STK38L: variants seen among roughly 807,000 people sequenced by gnomAD.
STK38L encodes serine/threonine kinase 38 like.
Under a neutral mutation model 59.7 loss-of-function variants are expected in STK38L, and 28 were observed. That is an observed-to-expected ratio of 0.47 (90% CI 0.35 to 0.64). The LOEUF (loss-of-function observed/expected upper bound fraction) is 0.64, where lower values mean the gene tolerates loss of function less well. STK38L is among the 30% of genes least tolerant of loss of function. STK38L has a pLI of 0.01. For synonymous variants in STK38L, 162 were observed against 176.8 expected, an observed-to-expected ratio of 0.92 and a Z score of 0.66; for missense variants, 314 against 555.8, an observed-to-expected ratio of 0.56 and a Z score of 4.37.
At chr12:27,287,533 CAA>C (rs1943800929) in intron 1 of STK38L, among the ~76,000 whole-genome samples, 1 of 152,142 alleles carries the variant, frequency 6.6e-6, no homozygotes, top group South Asian at 2.1e-4. Context: ...AAATGTAGCA[CAA>C]GTTTTCATTG....
intron 3 of STK38L, among the ~76,000 whole-genome samples, chr12:27,306,867 AG>A (rs1944329981): frequency 1.3e-5 from 2 of 152,082 alleles, no homozygotes. Context: ...CAGCCTCCTG[AG>A]TACAGGTGCA....
At chr12:27,262,056 A>G (rs1943213469) in intron 1 of STK38L, among the ~76,000 whole-genome samples, 1 of 152,182 alleles carries the variant, frequency 6.6e-6, no homozygotes. Flanking sequence ...TGCAAGGTAT[A>G]CTTCCTCACC....
intron 1 of STK38L, among the ~76,000 whole-genome samples, chr12:27,275,259 T>G: frequency 6.6e-6 from 1 of 152,098 alleles, no homozygotes; most frequent in East Asian, 1.9e-4. Flanking sequence ...TTTGGTATTT[T>G]CAGCTCCATC....
intron 1 of STK38L, among the ~76,000 whole-genome samples, chr12:27,269,295 G>A (rs1309136098): frequency 6.6e-6 from 1 of 152,160 alleles, no homozygotes; most frequent in African/African-American, 2.4e-5. Context: ...ATTAATTTTT[G>A]TATAAGGTGT....
chr12:27,317,889 T>C lies in STK38L; in HGVS notation c.956-7T>C. 6.2e-7 allele frequency: 1 copy of C among 1,613,090 alleles called. No homozygotes were observed. Among genetic ancestry groups the C allele is most frequent in the Non-Finnish European group, 8.5e-7 (1 of 1,179,696 alleles). ...GATGAAACATTTTTGATTTATTTGA[T>C]ACATAGGATATCCACCTTTCTGCTC... On this transcript the variant is annotated splice_region_variant and splice_polypyrimidine_tract_variant and intron_variant, in intron 10 of 13. Coordinates refer to ENST00000389032, the MANE Select transcript of STK38L (RefSeq NM_015000.4).
At chr12:27,254,440 A>G (rs558005392) in intron 1 of STK38L, among the ~76,000 whole-genome samples, 2 of 152,308 alleles carry the variant, frequency 1.3e-5, no homozygotes, top group East Asian at 3.9e-4. Flanking sequence ...AGAGACCTGT[A>G]TGTGCAAATC....
At chr12:27,318,817 C>G (rs1944651504) in intron 11 of STK38L, among the ~76,000 whole-genome samples, 1 of 152,042 alleles carries the variant, frequency 6.6e-6, no homozygotes, top group African/African-American at 2.4e-5. Flanking sequence ...TGGTGAAACC[C>G]CGTCTCTACT....
At position 27,312,815 on chromosome 12, in the gene STK38L, T is replaced by C. The variant is rs576095733; in HGVS notation, c.517+143T>C. The stretch of plus-strand genomic sequence containing the variant: ...AGTTTAAAAATATTTACTACCATAT[T>C]GATGCTCATTTTTACCACAAAACAG... On this transcript the variant is annotated intron_variant, in intron 6 of 13. Transcript: ENST00000389032. 110 of 965,346 alleles carry C rather than the reference T, an allele frequency of 1.1e-4. No individual in the cohort carries two copies. In the African/African-American group the frequency reaches 1.5e-3, roughly 14 times the overall value. 59.8% of individuals were successfully genotyped at this position (965,346 alleles called of 1,614,324 possible). A position where few individuals can be genotyped will look rare whatever the true frequency, so the allele number is the denominator to read the frequency against.
intron 1 of STK38L, among the ~76,000 whole-genome samples, chr12:27,253,681 C>A (rs1943025473): frequency 6.6e-6 from 1 of 152,130 alleles, no homozygotes; most frequent in African/African-American, 2.4e-5. Flanking sequence ...GTGAGAGAAG[C>A]TTTCCAAGGA....
intron 1 of STK38L, among the ~76,000 whole-genome samples, chr12:27,290,780 A>G (rs980748854): frequency 5.9e-5 from 9 of 152,208 alleles, no homozygotes; most frequent in African/African-American, 1.9e-4. Context: ...GCTCTGCTCC[A>G]GCTGTCATTG....
intron 1 of STK38L, among the ~76,000 whole-genome samples, chr12:27,250,849 A>T (rs1189396510): frequency 1.3e-5 from 2 of 152,030 alleles, no homozygotes; most frequent in Non-Finnish European, 2.9e-5. Context: ...AAATAAAAAA[A>T]ATAGCCGGGC....
At chr12:27,322,300 G>A (rs1944749287) in intron 13 of STK38L, 28 bp from the exon 14 acceptor site, 2 of 1,613,130 alleles carry the variant, frequency 1.2e-6, no homozygotes, top group Non-Finnish European at 1.7e-6. Flanking sequence ...TTTCACTAAT[G>A]AAATTCCTTT....
intron 12 of STK38L, 96 bp from the exon 13 acceptor site, chr12:27,322,047 T>G (rs1441056511): frequency 9.5e-7 from 1 of 1,052,734 alleles, no homozygotes; most frequent in Non-Finnish European, 1.4e-6. Flanking sequence ...TTTTCTAGTA[T>G]CTGTAGAATA....
intron 1 of STK38L, among the ~76,000 whole-genome samples, chr12:27,266,949 A>T (rs1202609197): frequency 6.6e-6 from 1 of 152,224 alleles, no homozygotes; most frequent in African/African-American, 2.4e-5. Flanking sequence ...TCCCTCAGAC[A>T]TATTTAAGAA....
chr12:27,318,064 T>C (rs200863098), intron 11 of STK38L, 45 bp downstream of exon 11: 134 of 1,607,182 alleles, frequency 8.3e-5, no homozygotes, highest in Non-Finnish European at 1.1e-4. Flanking sequence ...TCTTAAAACT[T>C]CCTAAGAACC....
rs181551620 is a variant in STK38L at position 27,286,937 on chromosome 12, A to G, written c.-11-10773A>G. On this transcript the variant is annotated intron_variant, in intron 1 of 13. Transcript: ENST00000389032. ...GTCTTTGATTCACTAGTAAAATTGA[A>G]CATTTTTCATGTGTTTTAAACTATT... Among the ~76,000 whole-genome samples, 125 of 152,316 alleles carry G rather than the reference A, an allele frequency of 8.2e-4. 1 individual carries two copies. Among genetic ancestry groups the G allele is most frequent in the Non-Finnish European group, 1.0e-4 (7 of 68,034 alleles).
chr12:27,263,606 T>G (rs1943246302), intron 1 of STK38L, among the ~76,000 whole-genome samples: 1 of 152,200 alleles, frequency 6.6e-6, no homozygotes, highest in Non-Finnish European at 1.5e-5. Context: ...CCCTATTATG[T>G]CCTTTAGGAT....
chr12:27,274,496 G>A (rs968560559), intron 1 of STK38L, among the ~76,000 whole-genome samples: 2 of 152,152 alleles, frequency 1.3e-5, no homozygotes, highest in South Asian at 2.1e-4. Context: ...ATTTTATCAC[G>A]TCACTACTAA....
chr12:27,288,897 A>G (rs1471407049), intron 1 of STK38L, among the ~76,000 whole-genome samples: 2 of 133,528 alleles, frequency 1.5e-5, no homozygotes, highest in Admixed American at 1.6e-4. Flanking sequence ...TTTCTCTTTT[A>G]TATCAATCAA....
Sources: allele counts gnomAD v4.1 joint callset (sites outside exome capture counted in the v4.1 genomes callset), GRCh38; gene constraint gnomAD v4.1.1; transcripts MANE v1.5; gene names NCBI Gene and HGNC (gene_info 2026-07-23, HGNC 2026-07-21).